PXYLP1: variants seen among roughly 807,000 people sequenced by gnomAD.
PXYLP1 encodes acid phosphatase-like 2.
In PXYLP1, 17 loss-of-function variants were observed where a neutral mutation model predicts 37.9. That is an observed-to-expected ratio of 0.45 (90% confidence interval 0.31 to 0.67). PXYLP1 has a LOEUF of 0.67. PXYLP1 is among the 30% of genes least tolerant of loss of function. The pLI, the probability that PXYLP1 is intolerant of heterozygous loss-of-function variation, is 0.07. For missense variants in PXYLP1, 511 were observed against 612.0 expected (o/e 0.84, Z 1.74); for synonymous variants, 221 against 232.2 (o/e 0.95, Z 0.44).
At chr3:141,287,732 C>G (rs1942109104) in intron 5 of PXYLP1, among the ~76,000 whole-genome samples, 1 of 152,176 alleles carries the variant, frequency 6.6e-6, no homozygotes, top group Non-Finnish European at 1.5e-5. Context: ...GTAATTCCAC[C>G]ACAGAAATAG....
chr3:141,277,517 C>T (rs554436785), intron 2 of PXYLP1, among the ~76,000 whole-genome samples: 24 of 152,124 alleles, frequency 1.6e-4, no homozygotes, highest in African/African-American at 5.8e-4. Context: ...TACAGATTAG[C>T]ATCCGAAAGA....
chr3:141,247,463 G>A (rs572527970), intron 1 of PXYLP1, among the ~76,000 whole-genome samples: 1 of 152,280 alleles, frequency 6.6e-6, no homozygotes, highest in Admixed American at 6.5e-5. Flanking sequence ...GTGTCCTCTA[G>A]GATTACTTGT....
chr3:141,275,008 T>C (rs1460245658), intron 2 of PXYLP1, among the ~76,000 whole-genome samples: 2 of 152,114 alleles, frequency 1.3e-5, no homozygotes, highest in South Asian at 2.1e-4. Flanking sequence ...AAGATGGAGC[T>C]GGGGAGACTT....
intron 1 of PXYLP1, among the ~76,000 whole-genome samples, chr3:141,235,853 A>T (rs1559877092): frequency 2.0e-5 from 3 of 152,352 alleles, no homozygotes; most frequent in South Asian, 2.1e-4. Flanking sequence ...ACTGAGCCAC[A>T]GACTCTGGCC....
intron 1 of PXYLP1, among the ~76,000 whole-genome samples, chr3:141,253,702 A>AG (rs1941196366): frequency 6.6e-6 from 1 of 151,376 alleles, no homozygotes; most frequent in Admixed American, 6.6e-5. Context: ...TAAAAAAAAA[A>AG]AAACACCTTT....
At chr3:141,232,989 G>A (rs1281964600) in intron 1 of PXYLP1, among the ~76,000 whole-genome samples, 1 of 152,120 alleles carries the variant, frequency 6.6e-6, no homozygotes, top group Admixed American at 6.5e-5. Context: ...ATGGGGGATC[G>A]GAGAGTGCTC....
intron 1 of PXYLP1, among the ~76,000 whole-genome samples, chr3:141,253,137 A>C (rs574900537): frequency 1.3e-5 from 2 of 152,188 alleles, no homozygotes; most frequent in African/African-American, 4.8e-5. Flanking sequence ...CAGTCAGCTT[A>C]GTGCCCAGAG....
At position 141,287,207 on chromosome 3, in the gene PXYLP1, G is replaced by T. The variant is rs1035423161; in HGVS notation, c.366-107G>T. On this transcript the variant is annotated intron_variant, in intron 4 of 5. Transcript: ENST00000286353. ...TGATTGAGCCGGTACCTGTTACTGT[G>T]GGTGCAAAAGGCTGCGATACACGTG... 26 of 1,162,734 alleles carry T rather than the reference G, an allele frequency of 2.2e-5. No individual in the cohort carries two copies. In the Admixed American group the frequency reaches 5.2e-4, roughly 23 times the overall value. The allele number at this position is 1,162,734 out of a possible 1,614,324, so 72.0% of individuals were successfully genotyped here. A position where few individuals can be genotyped will look rare whatever the true frequency, so the allele number is the denominator to read the frequency against.
chr3:141,247,557 G>A (rs1940989867), intron 1 of PXYLP1, among the ~76,000 whole-genome samples: 1 of 152,108 alleles, frequency 6.6e-6, no homozygotes, highest in South Asian at 2.1e-4. Context: ...GGCAATCTGT[G>A]GTTCATTATC....
chr3:141,287,705 A>G (rs1340458884), intron 5 of PXYLP1, among the ~76,000 whole-genome samples: 1 of 152,258 alleles, frequency 6.6e-6, no homozygotes, highest in Non-Finnish European at 1.5e-5. Flanking sequence ...TAAAAAGAAG[A>G]AAAAGTTTAA....
At chr3:141,264,332 A>G (rs561069145) in intron 2 of PXYLP1, among the ~76,000 whole-genome samples, 12 of 152,280 alleles carry the variant, frequency 7.9e-5, no homozygotes, top group Admixed American at 7.8e-4. Flanking sequence ...GCAGAGGTGG[A>G]ATGGATGGTG....
chr3:141,267,081 A>G (rs958441024), intron 2 of PXYLP1, among the ~76,000 whole-genome samples: 4 of 152,144 alleles, frequency 2.6e-5, no homozygotes, highest in Middle Eastern at 3.2e-3. Flanking sequence ...ATATGGTGAT[A>G]GTGATTCTGC....
At chr3:141,249,750 G>A (rs994862614) in intron 1 of PXYLP1, among the ~76,000 whole-genome samples, 1 of 152,070 alleles carries the variant, frequency 6.6e-6, no homozygotes, top group African/African-American at 2.4e-5. Flanking sequence ...AAATAATAAT[G>A]CCAGTCTCAG....
chr3:141,260,362 A>G (rs2148753113), intron 2 of PXYLP1, 108 bp downstream of exon 2: 1 of 1,299,746 alleles, frequency 7.7e-7, no homozygotes. Flanking sequence ...GAAGACAACG[A>G]AGTCTTTTTA....
At chr3:141,233,546 A>C (rs1158324092) in intron 1 of PXYLP1, among the ~76,000 whole-genome samples, 2 of 151,288 alleles carry the variant, frequency 1.3e-5, no homozygotes, top group African/African-American at 4.9e-5. Context: ...CAGTGTATGA[A>C]TCTGCCCCAT....
intron 2 of PXYLP1, among the ~76,000 whole-genome samples, chr3:141,270,628 A>G (rs1461657247): frequency 6.6e-6 from 1 of 152,214 alleles, no homozygotes; most frequent in Non-Finnish European, 1.5e-5. Flanking sequence ...AATTGGAGAA[A>G]TTAGGTGGCA....
intron 1 of PXYLP1, among the ~76,000 whole-genome samples, chr3:141,253,937 A>G (rs1941201241): frequency 6.6e-6 from 1 of 150,796 alleles, no homozygotes; most frequent in Non-Finnish European, 1.5e-5. Context: ...TTTGAGATGA[A>G]GTTTCTCTTT....
In PXYLP1 at chr3:141,248,620, C is replaced by T. The variant is rs1330429961; in HGVS notation, c.-53-11503C>T. Among the ~76,000 whole-genome samples the T allele has an allele frequency of 3.0e-4, 23 of 75,554 alleles. 3 individuals are homozygous for T. Among genetic ancestry groups the T allele is most frequent in the African/African-American group, 9.5e-4 (12 of 12,654 alleles). 49.6% of individuals were successfully genotyped at this position (75,554 alleles called of 152,430 possible). On this transcript the variant is annotated intron_variant, in intron 1 of 5. Coordinates refer to ENST00000286353, the MANE Select transcript of PXYLP1 (RefSeq NM_001037172.3). ...GTGTATATATACACACGTATATATA[C>T]ACACACGTATATATACACACGTGTA...
In PXYLP1 at chr3:141,261,732, C is replaced by A. The variant is rs557664199; in HGVS notation, c.79+1478C>A. ...GAGCAGGACCACATCCTGTTTCTCT[C>A]TGTATCCCAGGAACCAGCACTGCCT... is the stretch of plus-strand genomic sequence containing the variant. On this transcript the variant is annotated intron_variant, in intron 2 of 5. Transcript: ENST00000286353. 1.4e-3 allele frequency among the ~76,000 whole-genome samples: 214 copies of A among 149,236 alleles called. 1 individual carries two copies. The highest frequency in any genetic ancestry group is 5.2e-3 in the African/African-American group (206 of 39,886).
Sources: allele counts gnomAD v4.1 joint callset (sites outside exome capture counted in the v4.1 genomes callset), GRCh38; gene constraint gnomAD v4.1.1; transcripts MANE v1.5; gene names NCBI Gene and HGNC (gene_info 2026-07-23, HGNC 2026-07-21).